CFAP61: variants seen among roughly 807,000 people sequenced by gnomAD.
CFAP61 encodes the protein cilia and flagella associated protein 61, also known as cilia- and flagella-associated protein 61.
CFAP61 carries 107 observed loss-of-function variants against 135.6 expected under a neutral mutation model. That is an observed-to-expected ratio of 0.79 (90% confidence interval 0.67 to 0.93). CFAP61 has a LOEUF of 0.93. CFAP61 is among the 40% of genes least tolerant of loss of function. The pLI is 0.00. For synonymous variants in CFAP61, 575 were observed against 578.5 expected (o/e 0.99, Z 0.09); for missense variants, 1,507 against 1,556.2 (o/e 0.97, Z 0.53).
In CFAP61 at chr20:20,171,582, GT is replaced by G. The variant is rs147182288; in HGVS notation, c.1385+2124del. On this transcript the variant is annotated intron_variant, in intron 13 of 26. Coordinates refer to ENST00000245957, the MANE Select transcript of CFAP61 (RefSeq NM_015585.4). The stretch of plus-strand genomic sequence containing the variant: ...GACAGATATTTTCGTTCATGTTTTT[GT>G]TGTTGCCGATGTCTCAAAAATATCA... Among the ~76,000 whole-genome samples, 330 of 152,210 alleles carry G rather than the reference GT, an allele frequency of 2.2e-3. 1 individual carries two copies. Among genetic ancestry groups the G allele is most frequent in the Non-Finnish European group, 3.5e-3 (240 of 68,006 alleles).
At chr20:20,060,553 T>C (rs930463738) in intron 2 of CFAP61, among the ~76,000 whole-genome samples, 1 of 152,204 alleles carries the variant, frequency 6.6e-6, no homozygotes, top group African/African-American at 2.4e-5. Context: ...ATGATTAGAA[T>C]GAAAGAATCC....
intron 26 of CFAP61, among the ~76,000 whole-genome samples, chr20:20,351,983 C>T (rs1073243): frequency 0.031 from 4,755 of 152,070 alleles, 235 homozygotes; most frequent in African/African-American, 0.11. Flanking sequence ...TACCTGATTT[C>T]AAAATATATT....
At chr20:20,086,787 G>A (rs75363056) in intron 6 of CFAP61, among the ~76,000 whole-genome samples, 7,128 of 152,232 alleles carry the variant, frequency 0.047, 552 homozygotes, top group African/African-American at 0.16. Context: ...TGGTTGGGAA[G>A]ATGCCACACC....
At chr20:20,140,127 A>AT (rs2051254164) in intron 8 of CFAP61, among the ~76,000 whole-genome samples, 4 of 69,254 alleles carry the variant, frequency 5.8e-5, no homozygotes, top group Non-Finnish European at 9.8e-5. Context: ...GGGTGCTGGA[A>AT]ATTTTTTTTT....
chr20:20,350,162 T>C (rs2058781394), intron 26 of CFAP61, among the ~76,000 whole-genome samples: 1 of 152,206 alleles, frequency 6.6e-6, no homozygotes, highest in South Asian at 2.1e-4. Context: ...GCCACTGGCA[T>C]GGCTATAATA....
chr20:20,177,418 G>A (rs1028434), intron 13 of CFAP61, among the ~76,000 whole-genome samples: 137,054 of 151,802 alleles, frequency 0.9, 62,699 homozygotes, highest in Middle Eastern at 0.99. Context: ...TATCTCCAGG[G>A]TCTTGGTTTC....
intron 7 of CFAP61, among the ~76,000 whole-genome samples, chr20:20,095,293 G>A (rs896383501): frequency 6.6e-6 from 1 of 152,166 alleles, no homozygotes; most frequent in African/African-American, 2.4e-5. Context: ...ACAGATCTGG[G>A]CTTTTCCCCC....
chr20:20,118,308 T>TC (rs2049333378), intron 8 of CFAP61, among the ~76,000 whole-genome samples: 1 of 150,348 alleles, frequency 6.7e-6, no homozygotes, highest in African/African-American at 2.4e-5. Context: ...TTTCTTTCTT[T>TC]TCTTTCTTTC....
chr20:20,246,864 T>G (rs2050495068), intron 19 of CFAP61, among the ~76,000 whole-genome samples: 1 of 152,234 alleles, frequency 6.6e-6, no homozygotes, highest in Non-Finnish European at 1.5e-5. Flanking sequence ...GATTCCATGA[T>G]GAAGGGACCC....
At chr20:20,166,476 T>G (rs2053841311) in intron 12 of CFAP61, 40 bp downstream of exon 12, 1 of 1,502,274 alleles carries the variant, frequency 6.7e-7, no homozygotes, top group East Asian at 2.3e-5. Flanking sequence ...TTTTGTAAGC[T>G]TAGAGAACTT....
rs116267544 is a variant in CFAP61, at chr20:20,360,245, T to C, written c.3549T>C (p.His1183=). 1.2e-3 allele frequency: 1,924 copies of C among 1,613,876 alleles called. 27 individuals are homozygous for C. In the African/African-American group the frequency reaches 0.024, roughly 20 times the overall value. ...EDLPSIEQLA[H]QIEDEEINPT... ...TTCCTTCCATAGAGCAGTTAGCCCATCAAATAGAAGATGAGGAAATCAACC... is the reference window on the plus strand; with the variant it reads ...TTCCTTCCATAGAGCAGTTAGCCCACCAAATAGAAGATGAGGAAATCAACC... The change falls in exon 27 of 27, where the codon CAT becomes CAC. Residue 1183 remains histidine (H), a synonymous_variant. Transcript: ENST00000245957.
At chr20:20,267,904 C>G (rs1435217550) in intron 21 of CFAP61, 1 of 152,198 alleles carries the variant, frequency 6.6e-6, no homozygotes, top group Non-Finnish European at 1.5e-5. Flanking sequence ...AATGTGCAGG[C>G]TGGTTGGAGT....
chr20:20,323,288 A>C lies in CFAP61; in HGVS notation c.3423-18543A>C, dbSNP rs1003120706. 5.1e-6 allele frequency: 5 copies of C among 985,428 alleles called. No individual in the cohort carries two copies. In the African/African-American group the frequency reaches 8.7e-5, roughly 17 times the overall value. The allele number at this position is 985,428 out of a possible 1,614,324, so 61.0% of individuals were successfully genotyped here. A position where few individuals can be genotyped will look rare whatever the true frequency, so the allele number is the denominator to read the frequency against. ...ATTTTTCTAAAAAAGGACAACAAAC[A>C]ACCCTAAATTTTCAGGCCTTCAAAA... On this transcript the variant is annotated intron_variant, in intron 25 of 26. Coordinates refer to ENST00000245957, the MANE Select transcript of CFAP61 (RefSeq NM_015585.4).
chr20:20,135,413 A>G (rs143638945), intron 8 of CFAP61, among the ~76,000 whole-genome samples: 44 of 152,360 alleles, frequency 2.9e-4, no homozygotes, highest in Admixed American at 5.2e-4. Context: ...GAGGCCAACC[A>G]TGGCACAAAA....
Position 20,357,194 on chromosome 20 carries a change from T to C in CFAP61, c.3514-3016T>C, listed in dbSNP as rs745739502. On this transcript the variant is annotated intron_variant, in intron 26 of 26. Coordinates refer to ENST00000245957, the MANE Select transcript of CFAP61 (RefSeq NM_015585.4). Reference sequence around the variant, plus strand: ...ACACTGAGGGGAGGTGGTCATACTGTGAGTGAGGAGGTAGTCACACTGAGG... The same window carrying C: ...ACACTGAGGGGAGGTGGTCATACTGCGAGTGAGGAGGTAGTCACACTGAGG... Among the ~76,000 whole-genome samples the C allele has an allele frequency of 3.0e-3, 166 of 56,010 alleles. 4 individuals are homozygous for C. Among genetic ancestry groups the C allele is most frequent in the Admixed American group, 4.2e-3 (26 of 6,118 alleles). 36.7% of individuals were successfully genotyped at this position (56,010 alleles called of 152,430 possible).
At chr20:20,331,428 G>GAAAA (rs11476115) in intron 25 of CFAP61, among the ~76,000 whole-genome samples, 8 of 144,654 alleles carry the variant, frequency 5.5e-5, no homozygotes, top group Non-Finnish European at 1.5e-5. Context: ...AAAAGCTTTA[G>GAAAA]AAAAAAAAAA....
Position 20,209,911 on chromosome 20 carries a change from C to CCTT in CFAP61, c.1932+10010_1932+10012dup, listed in dbSNP as rs146228708. ...GCTTTTGTCCTCAGGCAAAGTCACCCCTTGTCCTGGCATCCAGGCCCCCGC... is the reference window on the plus strand; with the variant it reads ...GCTTTTGTCCTCAGGCAAAGTCACCCCTTCTTGTCCTGGCATCCAGGCCCCCGC... On this transcript the variant is annotated intron_variant, in intron 17 of 26. Transcript: ENST00000245957. Among the ~76,000 whole-genome samples the CCTT allele has an allele frequency of 9.0e-3, 1,373 of 152,198 alleles. 22 individuals are homozygous for CCTT. The highest frequency in any genetic ancestry group is 0.031 in the African/African-American group (1,306 of 41,522).
intron 25 of CFAP61, among the ~76,000 whole-genome samples, chr20:20,302,569 C>T (rs967275786): frequency 1.4e-4 from 21 of 152,200 alleles, no homozygotes; most frequent in African/African-American, 4.1e-4. Context: ...GGCTGAGGCA[C>T]GAGAATCACT....
At chr20:20,214,696 G>A (rs907075249) in intron 17 of CFAP61, among the ~76,000 whole-genome samples, 2 of 152,202 alleles carry the variant, frequency 1.3e-5, no homozygotes, top group Non-Finnish European at 2.9e-5. Flanking sequence ...CCCCTGGACC[G>A]CTGTAAACAG....
Sources: allele counts gnomAD v4.1 joint callset (sites outside exome capture counted in the v4.1 genomes callset), GRCh38; gene constraint gnomAD v4.1.1; transcripts MANE v1.5; gene names NCBI Gene and HGNC (gene_info 2026-07-23, HGNC 2026-07-21).